COL22A1: variants seen among roughly 807,000 people sequenced by gnomAD.
COL22A1 encodes collagen alpha-1(XXII) chain.
Under a neutral mutation model 248.9 loss-of-function variants are expected in COL22A1, and 221 were observed. The observed-to-expected ratio is 0.89, with a 90% CI of 0.80 to 0.99. The LOEUF is 0.99. Ranked by LOEUF, COL22A1 falls within the 50% of genes least tolerant of loss-of-function variation. The pLI, the probability that COL22A1 is intolerant of heterozygous loss-of-function variation, is 0.00. For missense variants in COL22A1, 2,240 were observed against 2,179.0 expected (o/e 1.03, Z -0.56); for synonymous variants, 891 against 793.4 (o/e 1.12, Z -2.07).
Position 138,671,229 on chromosome 8 carries a change from A to C in COL22A1, c.3150+5329T>G, listed in dbSNP as rs148732902. 2.2e-3 allele frequency among the ~76,000 whole-genome samples: 342 copies of C among 152,296 alleles called. 1 individual carries two copies. The highest frequency in any genetic ancestry group is 4.3e-3 in the Admixed American group (66 of 15,284). On this transcript the variant is annotated intron_variant, in intron 41 of 64. Coordinates refer to ENST00000303045, the MANE Select transcript of COL22A1 (RefSeq NM_152888.3). ...TCATGAATGCATAAAATATAGAGAG[A>C]TACTAGTCTGTTGTATCATTTAGTA...
chr8:138,850,674 A>G (rs528420682), intron 3 of COL22A1, among the ~76,000 whole-genome samples: 18 of 152,350 alleles, frequency 1.2e-4, no homozygotes, highest in African/African-American at 4.3e-4. Flanking sequence ...GAGAAGCCAA[A>G]AAAGGACAAG....
intron 11 of COL22A1, among the ~76,000 whole-genome samples, chr8:138,798,741 T>G (rs1816761123): frequency 6.6e-6 from 1 of 152,216 alleles, no homozygotes; most frequent in Admixed American, 6.5e-5. Context: ...TTGTAAATAA[T>G]GAGTCATTTT....
intron 53 of COL22A1, among the ~76,000 whole-genome samples, chr8:138,618,140 C>A (rs1211208044): frequency 6.6e-6 from 1 of 152,164 alleles, no homozygotes; most frequent in Non-Finnish European, 1.5e-5. Context: ...GTACTTACGA[C>A]CACTCTGCAA....
chr8:138,897,122 A>C (rs1391537229), intron 1 of COL22A1, among the ~76,000 whole-genome samples: 1 of 152,222 alleles, frequency 6.6e-6, no homozygotes, highest in Non-Finnish European at 1.5e-5. Flanking sequence ...TCATGAGGCT[A>C]AATCATTCAT....
chr8:138,840,558 C>T (rs189923001), intron 4 of COL22A1, among the ~76,000 whole-genome samples: 45 of 145,300 alleles, frequency 3.1e-4, no homozygotes, highest in Admixed American at 2.2e-3. Context: ...CACACACACA[C>T]GCGCTCCTGA....
rs145495083 is a variant in COL22A1 at position 138,716,091 on chromosome 8, C to T, written c.2463+136G>A. ...AGTCTTATCCCCTTCCCCGTCCCTT[C>T]CATCAACACTGAGAAATACACTCTT... On this transcript the variant is annotated intron_variant, in intron 29 of 64. Transcript: ENST00000303045. The T allele has an allele frequency of 4.4e-4, 304 of 693,780 alleles. 1 individual carries two copies. In the African/African-American group the frequency reaches 5.2e-3, roughly 12 times the overall value. The allele number at this position is 693,780 out of a possible 1,614,324, so 43.0% of individuals were successfully genotyped here. A position where few individuals can be genotyped will look rare whatever the true frequency, so the allele number is the denominator to read the frequency against.
At chr8:138,904,269 C>T (rs537934097) in intron 1 of COL22A1, among the ~76,000 whole-genome samples, 1 of 152,204 alleles carries the variant, frequency 6.6e-6, no homozygotes, top group South Asian at 2.1e-4. Flanking sequence ...TTTAGATATG[C>T]TTTTCCAGAA....
At chr8:138,646,888 C>T (rs777727273) in intron 46 of COL22A1, among the ~76,000 whole-genome samples, 2 of 152,112 alleles carry the variant, frequency 1.3e-5, no homozygotes, top group Admixed American at 6.6e-5. Context: ...ATGGCATGAC[C>T]CACCATTAAT....
intron 45 of COL22A1, among the ~76,000 whole-genome samples, chr8:138,653,761 C>T (rs1041524263): frequency 1.3e-5 from 2 of 152,152 alleles, no homozygotes; most frequent in East Asian, 1.9e-4. Flanking sequence ...GCAGGGGAGA[C>T]ATCTGCCACC....
At chr8:138,664,217 A>AGTG (rs1564164494) in intron 41 of COL22A1, among the ~76,000 whole-genome samples, 8 of 107,432 alleles carry the variant, frequency 7.4e-5, no homozygotes, top group Non-Finnish European at 1.6e-4. Context: ...GCGCACACAC[A>AGTG]CACACACACA....
At chr8:138,696,607 T>TA (rs145335625) in intron 32 of COL22A1, among the ~76,000 whole-genome samples, 11,202 of 152,328 alleles carry the variant, frequency 0.074, 999 homozygotes, top group African/African-American at 0.21. Flanking sequence ...CTCTCTCTGA[T>TA]ACGGCAGTTG....
chr8:138,686,074 C>A (rs1194314059), intron 37 of COL22A1, among the ~76,000 whole-genome samples: 1 of 152,142 alleles, frequency 6.6e-6, no homozygotes, highest in Non-Finnish European at 1.5e-5. Context: ...TATACTCAAC[C>A]TTCTCTGAAA....
Position 138,722,857 on chromosome 8 carries a change from G to GGC in COL22A1, c.2248-769_2248-768insGC, listed in dbSNP as rs138116731. Reference sequence around the variant, plus strand: ...TATCGGGTCACATGGGGGCGGGGGGGGGGTGGTGGAAAACACACCCTGGGG... The same window carrying GGC: ...TATCGGGTCACATGGGGGCGGGGGGGGCGGGTGGTGGAAAACACACCCTGGGG... On this transcript the variant is annotated intron_variant, in intron 25 of 64. Transcript: ENST00000303045. 1.6e-5 allele frequency among the ~76,000 whole-genome samples: 2 copies of GGC among 125,262 alleles called. 1 individual carries two copies. Among genetic ancestry groups the GGC allele is most frequent in the Non-Finnish European group, 3.4e-5 (2 of 59,396 alleles). The allele number at this position is 125,262 out of a possible 152,430, so 82.2% of individuals were successfully genotyped here. A position where few individuals can be genotyped will look rare whatever the true frequency, so the allele number is the denominator to read the frequency against.
intron 27 of COL22A1, among the ~76,000 whole-genome samples, chr8:138,717,567 A>C (rs1829541181): frequency 1.3e-5 from 2 of 152,070 alleles, no homozygotes; most frequent in Admixed American, 1.3e-4. Context: ...GGGCTCAAAA[A>C]ATTATCCCAC....
chr8:138,757,745 T>TA (rs1833138685), intron 18 of COL22A1, among the ~76,000 whole-genome samples: 2 of 152,246 alleles, frequency 1.3e-5, no homozygotes, highest in Admixed American at 1.3e-4. Flanking sequence ...GGGGCACAGA[T>TA]ACACCGAGTA....
chr8:138,832,690 A>G lies in COL22A1; in HGVS notation c.845+349T>C, dbSNP rs996320333. Among the ~76,000 whole-genome samples, 7 of 152,218 alleles carry G rather than the reference A, an allele frequency of 4.6e-5. No homozygotes were observed. In the East Asian group the frequency reaches 1.2e-3, roughly 25 times the overall value. On this transcript the variant is annotated intron_variant, in intron 5 of 64. Transcript: ENST00000303045. ...GTGAAGCCACGCCTGCCATGAATGC[A>G]GTGTCAGGTCCTTAGTAGGTGCTAT...
chr8:138,873,110 G>A (rs138811788), intron 3 of COL22A1, among the ~76,000 whole-genome samples: 79 of 152,176 alleles, frequency 5.2e-4, no homozygotes, highest in African/African-American at 1.8e-3. Context: ...AGTAGGTTCC[G>A]ACAAAAGAAA....
intron 11 of COL22A1, 46 bp from the exon 12 acceptor site, chr8:138,796,903 T>G: frequency 7.9e-7 from 1 of 1,267,340 alleles, no homozygotes; most frequent in Non-Finnish European, 1.2e-6. Context: ...AGCATCTCCA[T>G]GGCATGACAT....
At chr8:138,844,456 T>A (rs903039902) in intron 3 of COL22A1, among the ~76,000 whole-genome samples, 27 of 152,208 alleles carry the variant, frequency 1.8e-4, no homozygotes, top group African/African-American at 6.3e-4. Context: ...GACACGGACA[T>A]CAATATTAAC....
Sources: allele counts gnomAD v4.1 joint callset (sites outside exome capture counted in the v4.1 genomes callset), GRCh38; gene constraint gnomAD v4.1.1; transcripts MANE v1.5; gene names NCBI Gene and HGNC (gene_info 2026-07-23, HGNC 2026-07-21).